ZNF804B: variants seen among roughly 807,000 people sequenced by gnomAD.
ZNF804B encodes the protein zinc finger protein 804B.
A neutral mutation model predicts 101.4 loss-of-function variants in ZNF804B; 80 were observed. That is an observed-to-expected ratio of 0.79 (90% CI 0.66 to 0.95). The LOEUF (loss-of-function observed/expected upper bound fraction) is 0.95. Among genes scored for constraint, ZNF804B ranks in the 40% least tolerant of loss-of-function variants. The pLI is 0.00. For synonymous variants in ZNF804B, 622 were observed against 558.8 expected, an observed-to-expected ratio of 1.11 and a Z score of -1.59; for missense variants, 1,673 against 1,561.9, an observed-to-expected ratio of 1.07 and a Z score of -1.20.
chr7:88,975,268 G>A (rs1793600702), intron 1 of ZNF804B, among the ~76,000 whole-genome samples: 1 of 151,378 alleles, frequency 6.6e-6, no homozygotes, highest in Admixed American at 6.6e-5. Context: ...TCAATATACT[G>A]ATTTCCTGTC....
intron 1 of ZNF804B, among the ~76,000 whole-genome samples, chr7:88,882,284 A>C (rs2115909956): frequency 6.6e-6 from 1 of 152,338 alleles, no homozygotes; most frequent in South Asian, 2.1e-4. Context: ...GCTCAACGTC[A>C]GTAATCATCA....
intron 1 of ZNF804B, among the ~76,000 whole-genome samples, chr7:88,812,752 C>T (rs769275279): frequency 2.4e-4 from 36 of 152,058 alleles, no homozygotes; most frequent in Non-Finnish European, 2.9e-5. Flanking sequence ...CACACTACAA[C>T]ACGAATGAAC....
chr7:88,930,746 T>C (rs1304217443), intron 1 of ZNF804B, among the ~76,000 whole-genome samples: 2 of 151,864 alleles, frequency 1.3e-5, no homozygotes, highest in Non-Finnish European at 2.9e-5. Context: ...AGGAAAACTT[T>C]TGATGGCATT....
chr7:88,912,976 CT>C (rs956641922), intron 1 of ZNF804B, among the ~76,000 whole-genome samples: 7 of 152,020 alleles, frequency 4.6e-5, no homozygotes, highest in Non-Finnish European at 8.8e-5. Context: ...TAGAAGCAAC[CT>C]TTTGCATTTA....
intron 1 of ZNF804B, among the ~76,000 whole-genome samples, chr7:89,179,999 C>G (rs1253054883): frequency 6.6e-6 from 1 of 152,140 alleles, no homozygotes; most frequent in African/African-American, 2.4e-5. Flanking sequence ...TTTTCCTAAA[C>G]TAACTGAGTC....
At chr7:88,811,374 C>T (rs754934284) in intron 1 of ZNF804B, among the ~76,000 whole-genome samples, 1 of 152,122 alleles carries the variant, frequency 6.6e-6, no homozygotes, top group Non-Finnish European at 1.5e-5. Flanking sequence ...CGGAGAGATA[C>T]GAACACTTTT....
intron 1 of ZNF804B, among the ~76,000 whole-genome samples, chr7:89,202,346 A>T (rs545163535): frequency 6.6e-6 from 1 of 152,120 alleles, no homozygotes; most frequent in Non-Finnish European, 1.5e-5. Flanking sequence ...TGAATTTATT[A>T]TAGCTACAAC....
chr7:89,215,442 A>C (rs1405334127), intron 1 of ZNF804B, among the ~76,000 whole-genome samples: 4 of 152,044 alleles, frequency 2.6e-5, no homozygotes, highest in African/African-American at 9.7e-5. Context: ...ATAAAAATAC[A>C]TTTTTAGCCT....
chr7:89,057,722 T>C (rs1789318935), intron 1 of ZNF804B, among the ~76,000 whole-genome samples: 1 of 152,034 alleles, frequency 6.6e-6, no homozygotes, highest in Admixed American at 6.6e-5. Context: ...AGCAGGCCAC[T>C]GTGGAGTGGG....
intron 1 of ZNF804B, among the ~76,000 whole-genome samples, chr7:89,171,395 C>CTCTTCT (rs778183139): frequency 6.5e-5 from 6 of 91,914 alleles, no homozygotes; most frequent in African/African-American, 1.3e-4. Context: ...CCTCTTCTTC[C>CTCTTCT]TCTTCTTCTT....
chr7:89,271,958 T>G (rs145277802), intron 2 of ZNF804B, among the ~76,000 whole-genome samples: 78 of 152,168 alleles, frequency 5.1e-4, no homozygotes, highest in South Asian at 2.1e-3. Context: ...ATGAAAAAAT[T>G]TGTCTTTTAG....
chr7:89,153,038 C>T (rs1399693895), intron 1 of ZNF804B, among the ~76,000 whole-genome samples: 2 of 151,984 alleles, frequency 1.3e-5, no homozygotes, highest in African/African-American at 2.4e-5. Context: ...TTATTATAAA[C>T]TAAGACTCAA....
intron 1 of ZNF804B, among the ~76,000 whole-genome samples, chr7:89,024,738 C>A (rs1215754950): frequency 2.7e-5 from 4 of 149,480 alleles, no homozygotes; most frequent in African/African-American, 7.4e-5. Flanking sequence ...CTGGCTGATA[C>A]CACATTCCAT....
intron 1 of ZNF804B, among the ~76,000 whole-genome samples, chr7:89,157,957 TG>T (rs769285450): frequency 1.1e-4 from 17 of 152,196 alleles, no homozygotes; most frequent in Non-Finnish European, 2.1e-4. Context: ...CTTGGTTTAA[TG>T]ACTCACAGCA....
At chr7:88,940,811 ATG>A (rs962625675) in intron 1 of ZNF804B, among the ~76,000 whole-genome samples, 3 of 148,606 alleles carry the variant, frequency 2.0e-5, no homozygotes, top group African/African-American at 7.3e-5. Flanking sequence ...TAATAATAGA[ATG>A]TATCTCAAGA....
intron 1 of ZNF804B, among the ~76,000 whole-genome samples, chr7:88,760,849 A>G (rs566800325): frequency 3.0e-4 from 44 of 148,654 alleles, no homozygotes; most frequent in African/African-American, 9.8e-4. Context: ...ATATGTTTCA[A>G]GAAAATGTGT....
chr7:89,047,238 T>C (rs937330787), intron 1 of ZNF804B, among the ~76,000 whole-genome samples: 1 of 152,208 alleles, frequency 6.6e-6, no homozygotes, highest in Admixed American at 6.5e-5. Context: ...GGAAGTGATG[T>C]AGTAATATTT....
intron 2 of ZNF804B, among the ~76,000 whole-genome samples, chr7:89,319,496 C>A (rs1400553027): frequency 6.6e-6 from 1 of 152,170 alleles, no homozygotes; most frequent in Non-Finnish European, 1.5e-5. Flanking sequence ...AGGCAGCTGT[C>A]TGCCGCTGGT....
At chr7:88,938,989 T>G (rs1269377530) in intron 1 of ZNF804B, among the ~76,000 whole-genome samples, 1 of 152,076 alleles carries the variant, frequency 6.6e-6, no homozygotes, top group Non-Finnish European at 1.5e-5. Context: ...AATATTACTG[T>G]TAAATATACT....
Sources: gnomAD v4.1 joint callset for allele counts (sites outside exome capture counted in the v4.1 genomes callset) on GRCh38, gnomAD v4.1.1 for gene constraint, MANE v1.5 for transcripts, NCBI Gene and HGNC (gene_info 2026-07-23, HGNC 2026-07-21) for gene names.